The following CPVL variants were observed in gnomAD, a reference collection of about 807,000 sequenced individuals.
The protein encoded by CPVL is probable serine carboxypeptidase CPVL.
A neutral mutation model predicts 63.7 loss-of-function variants in CPVL; 51 were observed. The ratio of observed to expected loss-of-function variants is 0.80; its 90% CI spans 0.64 to 1.01. The LOEUF (loss-of-function observed/expected upper bound fraction) is 1.01. CPVL is among the 50% of genes least tolerant of loss of function. The pLI is 0.00. For missense variants in CPVL, 530 were observed against 573.1 expected, an observed-to-expected ratio of 0.92 and a Z score of 0.77; for synonymous variants, 195 against 206.0, an observed-to-expected ratio of 0.95 and a Z score of 0.46.
intron 3 of CPVL, among the ~76,000 whole-genome samples, chr7:29,103,514 A>T (rs1239003566): frequency 6.6e-6 from 1 of 151,506 alleles, no homozygotes; most frequent in Non-Finnish European, 1.5e-5. Context: ...CGGCCTCCCA[A>T]AGTGCTGGGA....
In CPVL at chr7:29,004,686, G is replaced by C. The variant is rs1784994966; in HGVS notation, c.1321-8804C>G. On this transcript the variant is annotated intron_variant, in intron 12 of 12. Coordinates refer to ENST00000265394, the MANE Select transcript of CPVL (RefSeq NM_031311.5). ...TCTCTATTTTCTCATTTGTAAAATG[G>C]GGATAAGAATTTGGGTGACCACTTG... is the stretch of plus-strand genomic sequence containing the variant. Among the ~76,000 whole-genome samples, 4 of 152,210 alleles carry C rather than the reference G, an allele frequency of 2.6e-5. No individual in the cohort carries two copies. The East Asian group carries it at 7.7e-4, about 29-fold the overall frequency.
intron 5 of CPVL, among the ~76,000 whole-genome samples, chr7:29,093,095 A>T (rs59012850): frequency 1.3e-5 from 2 of 151,988 alleles, no homozygotes; most frequent in Non-Finnish European, 2.9e-5. Flanking sequence ...CCTGCCAAGA[A>T]GAAACTCTTG....
At chr7:29,101,851 GTT>G (rs989212420) in intron 3 of CPVL, among the ~76,000 whole-genome samples, 1 of 150,988 alleles carries the variant, frequency 6.6e-6, no homozygotes, top group African/African-American at 2.4e-5. Context: ...ACATACACAC[GTT>G]TTTTTTCCAA....
chr7:29,188,989 C>T (rs991480098), intron 1 of CPVL, among the ~76,000 whole-genome samples: 6 of 140,110 alleles, frequency 4.3e-5, no homozygotes, highest in African/African-American at 8.1e-5. Context: ...CTTGCTCTGT[C>T]GCCCAAGCTG....
intron 1 of CPVL, among the ~76,000 whole-genome samples, chr7:29,190,298 A>G (rs1434235295): frequency 6.6e-6 from 1 of 152,196 alleles, no homozygotes; most frequent in African/African-American, 2.4e-5. Context: ...CTAGTTGACG[A>G]ATAGCCCTGC....
chr7:29,016,327 G>C (rs1296210839), intron 12 of CPVL, among the ~76,000 whole-genome samples: 1 of 150,734 alleles, frequency 6.6e-6, no homozygotes, highest in Non-Finnish European at 1.5e-5. Flanking sequence ...CTCCAGCCTG[G>C]ATGACAGAGT....
intron 2 of CPVL, among the ~76,000 whole-genome samples, chr7:29,114,897 T>G (rs1788627553): frequency 6.6e-6 from 1 of 152,124 alleles, no homozygotes; most frequent in African/African-American, 2.4e-5. Context: ...GAAATGCACC[T>G]GCTGACTAGG....
chr7:29,159,852 G>C (rs1794939748), intron 5 of CPVL, among the ~76,000 whole-genome samples: 1 of 152,178 alleles, frequency 6.6e-6, no homozygotes, highest in African/African-American at 2.4e-5. Flanking sequence ...GTCTCAACTA[G>C]TGTAATGCAA....
At chr7:29,194,884 A>AGCG (rs944512927) in intron 1 of CPVL, 13 of 1,387,492 alleles carry the variant, frequency 9.4e-6, no homozygotes, top group South Asian at 1.7e-5. Context: ...GGGCGAGGGC[A>AGCG]GCGGCGGCGG....
At chr7:29,155,100 A>G (rs1257358618) in intron 5 of CPVL, among the ~76,000 whole-genome samples, 2 of 152,130 alleles carry the variant, frequency 1.3e-5, no homozygotes, top group East Asian at 3.9e-4. Flanking sequence ...TGCCCCCATG[A>G]TTCAATTACC....
rs374009146 is a variant in CPVL at position 29,017,272 on chromosome 7, G to A, written c.1320+13305C>T. ...ATTCTTTTAATATCACAAGTTCCCCGATAAAGCCATAACTTTTCTTGACAT... is the reference window on the plus strand; with the variant it reads ...ATTCTTTTAATATCACAAGTTCCCCAATAAAGCCATAACTTTTCTTGACAT... On this transcript the variant is annotated intron_variant, in intron 12 of 12. Transcript: ENST00000265394. Among the ~76,000 whole-genome samples, 12 of 152,232 alleles carry A rather than the reference G, an allele frequency of 7.9e-5. No individual in the cohort carries two copies. In the East Asian group the frequency reaches 1.7e-3, roughly 22 times the overall value.
intron 10 of CPVL, among the ~76,000 whole-genome samples, chr7:29,064,445 A>G (rs1782951278): frequency 6.6e-6 from 1 of 152,210 alleles, no homozygotes; most frequent in Admixed American, 6.5e-5. Flanking sequence ...TACCCTTAAA[A>G]TACTCTTAAA....
chr7:29,076,936 T>A (rs1345780723), intron 7 of CPVL, among the ~76,000 whole-genome samples: 1 of 152,232 alleles, frequency 6.6e-6, no homozygotes, highest in African/African-American at 2.4e-5. Context: ...GAGGAGCACA[T>A]TGTACTTGTA....
intron 9 of CPVL, among the ~76,000 whole-genome samples, chr7:29,070,928 T>C (rs1490068212): frequency 6.6e-6 from 1 of 152,208 alleles, no homozygotes; most frequent in African/African-American, 2.4e-5. Context: ...TTAATAACAA[T>C]AACGACATTA....
intron 1 of CPVL, chr7:29,193,157 C>T (rs1783117894): frequency 6.6e-6 from 1 of 152,126 alleles, no homozygotes; most frequent in Admixed American, 6.5e-5. Context: ...CGCAGTCCCA[C>T]GTGACTGAAG....
intron 5 of CPVL, among the ~76,000 whole-genome samples, chr7:29,094,373 C>T (rs1786175560): frequency 6.6e-6 from 1 of 151,624 alleles, no homozygotes; most frequent in Admixed American, 6.6e-5. Context: ...AAAGTGGAGA[C>T]CCATTTTGAC....
intron 12 of CPVL, among the ~76,000 whole-genome samples, chr7:29,005,148 C>G (rs1395377395): frequency 1.3e-5 from 2 of 152,064 alleles, no homozygotes; most frequent in African/African-American, 4.8e-5. Flanking sequence ...GATCCTCCTG[C>G]CTCGGCCTCC....
chr7:29,185,619 G>T (rs1798611701), intron 2 of CPVL: 1 of 151,694 alleles, frequency 6.6e-6, no homozygotes, highest in East Asian at 1.9e-4. Flanking sequence ...AAAAAAAAAG[G>T]CTGATATTTG....
chr7:29,046,364 G>A (rs886932554), intron 11 of CPVL, among the ~76,000 whole-genome samples: 4 of 152,088 alleles, frequency 2.6e-5, no homozygotes, highest in Admixed American at 6.6e-5. Context: ...GATTACAGGC[G>A]TCAGCCACCG....
Sources: allele counts gnomAD v4.1 joint callset (sites outside exome capture counted in the v4.1 genomes callset), GRCh38; gene constraint gnomAD v4.1.1; transcripts MANE v1.5; gene names NCBI Gene and HGNC (gene_info 2026-07-23, HGNC 2026-07-21).